Variants in AKAP13 observed in about 807,000 individuals in gnomAD.
AKAP13 encodes A-kinase anchoring protein 13, also known as A-kinase anchor protein 13.
AKAP13 carries 80 observed loss-of-function variants against 264.5 expected under a neutral mutation model. That is an observed-to-expected ratio of 0.30 (90% CI 0.25 to 0.36). The LOEUF is 0.36. Ranked by LOEUF, AKAP13 falls within the 10% of genes least tolerant of loss-of-function variation. The pLI is 1.00. For missense variants in AKAP13, 3,712 were observed against 3,435.2 expected, an observed-to-expected ratio of 1.08 and a Z score of -2.01; for synonymous variants, 1,380 against 1,250.2, an observed-to-expected ratio of 1.10 and a Z score of -2.19.
chr15:85,562,241 T>G (rs909138400), intron 5 of AKAP13, among the ~76,000 whole-genome samples: 2 of 152,132 alleles, frequency 1.3e-5, no homozygotes, highest in African/African-American at 4.8e-5. Context: ...CAGTATTTAA[T>G]GAGTACTTAC....
chr15:85,425,514 A>G (rs1476106180), intron 1 of AKAP13, among the ~76,000 whole-genome samples: 1 of 152,042 alleles, frequency 6.6e-6, no homozygotes, highest in Middle Eastern at 3.2e-3. Flanking sequence ...TCAGGAGTTC[A>G]AGACTAGCCT....
At chr15:85,569,933 C>T (rs991052578) in intron 5 of AKAP13, among the ~76,000 whole-genome samples, 11 of 151,768 alleles carry the variant, frequency 7.2e-5, no homozygotes, top group South Asian at 4.2e-4. Flanking sequence ...AAAAATTAGC[C>T]GGGCATGGTG....
intron 1 of AKAP13, among the ~76,000 whole-genome samples, chr15:85,482,210 CTA>C (rs941069518): frequency 6.6e-6 from 1 of 152,096 alleles, no homozygotes; most frequent in Non-Finnish European, 1.5e-5. Flanking sequence ...GCTGTTATTT[CTA>C]TTACTTGCTT....
At chr15:85,467,915 C>T (rs192958089) in intron 1 of AKAP13, among the ~76,000 whole-genome samples, 24 of 152,272 alleles carry the variant, frequency 1.6e-4, no homozygotes, top group Admixed American at 7.8e-4. Context: ...CAAGTGTTGA[C>T]GGAGGCAGAG....
At chr15:85,463,540 G>A (rs961036567) in intron 1 of AKAP13, among the ~76,000 whole-genome samples, 3 of 152,218 alleles carry the variant, frequency 2.0e-5, no homozygotes, top group Admixed American at 6.5e-5. Flanking sequence ...TAGAATATAT[G>A]GATGGTGGTT....
At chr15:85,455,734 C>T (rs1029384840) in intron 1 of AKAP13, among the ~76,000 whole-genome samples, 2 of 152,016 alleles carry the variant, frequency 1.3e-5, no homozygotes, top group African/African-American at 2.4e-5. Flanking sequence ...CTTTCAAAGG[C>T]GCACAGTCCA....
Position 85,563,348 on chromosome 15 carries a change from TTTTTTTA to T in AKAP13, c.663-11782_663-11776del, listed in dbSNP as rs1402277914. On this transcript the variant is annotated intron_variant, in intron 5 of 36. Coordinates refer to ENST00000394518, the MANE Select transcript of AKAP13 (RefSeq NM_007200.5). ...GTGCTTGTTTTTTTTTTTTTTTTTT[TTTTTTTA>T]AAGACGGAGAATGAGAATTTGGGCT... is the stretch of plus-strand genomic sequence containing the variant. Among the ~76,000 whole-genome samples the T allele has an allele frequency of 7.8e-4, 96 of 122,910 alleles. 2 individuals are homozygous for T. The highest frequency in any genetic ancestry group is 4.6e-3 in the East Asian group (16 of 3,472). The allele number at this position is 122,910 out of a possible 152,430, so 80.6% of individuals were successfully genotyped here.
intron 1 of AKAP13, among the ~76,000 whole-genome samples, chr15:85,421,059 G>A (rs1274710150): frequency 6.6e-6 from 1 of 152,198 alleles, no homozygotes; most frequent in Non-Finnish European, 1.5e-5. Context: ...GATGGATGAT[G>A]ACTTAGAAAT....
chr15:85,702,145 C>A (rs1278691579), intron 17 of AKAP13: 1 of 152,054 alleles, frequency 6.6e-6, no homozygotes, highest in Non-Finnish European at 1.5e-5. Context: ...ACTTGGGAGG[C>A]TGAGGCAGGA....
rs910829789 is a variant in AKAP13 at position 85,724,546 on chromosome 15, G to A, written c.6745+1226G>A. Among the ~76,000 whole-genome samples the A allele has an allele frequency of 2.0e-5, 3 of 151,798 alleles. No homozygotes were observed. Among genetic ancestry groups the A allele is most frequent in the Admixed American group, 1.3e-4 (2 of 15,238 alleles). ...AGAGAGCAGAGTGAATGACAGGGGA[G>A]TGACGGGAAACCAGCCCAAAGAAAC... On this transcript the variant is annotated intron_variant, in intron 26 of 36. Coordinates refer to ENST00000394518, the MANE Select transcript of AKAP13 (RefSeq NM_007200.5). This position sits in a 1 kb window ranked among gnomAD's most constrained non-coding sequence, Gnocchi z 4.2.
intron 8 of AKAP13, among the ~76,000 whole-genome samples, chr15:85,605,852 A>G (rs1258358655): frequency 1.3e-5 from 2 of 152,144 alleles, no homozygotes; most frequent in Non-Finnish European, 2.9e-5. Context: ...TCATGCCTCA[A>G]TAAAGTGGAT....
chr15:85,605,041 G>C (rs1182109095), intron 8 of AKAP13, among the ~76,000 whole-genome samples: 2 of 152,104 alleles, frequency 1.3e-5, no homozygotes, highest in East Asian at 3.9e-4. Flanking sequence ...GCTCATGGGT[G>C]CCCCTGGTAA....
At position 85,543,774 on chromosome 15, in the gene AKAP13, G is replaced by A. The variant is rs774953969; in HGVS notation, c.481G>A (p.Ala161Thr). Residue 161 changes from alanine to threonine, a missense_variant and splice_region_variant, in exon 5 of 37, where the codon GCT (alanine) becomes ACT (threonine). Ala to Thr is a moderately conservative substitution (Grantham distance 58, BLOSUM62 0). Around this residue, in one of 3 missense-constraint regions of AKAP13, gnomAD observed 2,759 missense variants for 2,411.7 expected, o/e 1.14. Transcript: ENST00000394518. The stretch of plus-strand genomic sequence containing the variant: ...TTCATTTTCTCCCCCATTTACAGAT[G>A]CTGGCCCGCGAGAGACATTGATGCA... ...VLGTDQSLHD[A>T]GPRETLMHFA... 4.4e-6 allele frequency: 7 copies of A among 1,600,302 alleles called. No homozygotes were observed. Among genetic ancestry groups the A allele is most frequent in the Non-Finnish European group, 6.0e-6 (7 of 1,172,414 alleles).
intron 1 of AKAP13, among the ~76,000 whole-genome samples, chr15:85,451,303 C>T (rs2074081343): frequency 6.6e-6 from 1 of 152,054 alleles, no homozygotes. Context: ...GACAGCATAC[C>T]ATTGGGTCTT....
chr15:85,406,396 G>GTTTTTTTTT (rs34569805), intron 1 of AKAP13, among the ~76,000 whole-genome samples: 5 of 143,834 alleles, frequency 3.5e-5, no homozygotes, highest in African/African-American at 5.3e-5. Flanking sequence ...CTAGAAAATA[G>GTTTTTTTTT]TTTTTTTTTT....
rs796799191 is a variant in AKAP13 at position 85,442,482 on chromosome 15, A to ATATATATAATATATATTATAT, written c.-11-43185_-11-43165dup. 2.6e-3 allele frequency among the ~76,000 whole-genome samples: 304 copies of ATATATATAATATATATTATAT among 115,578 alleles called. 1 individual carries two copies. The highest frequency in any genetic ancestry group is 8.4e-3 in the Middle Eastern group (2 of 238). The allele number at this position is 115,578 out of a possible 152,430, so 75.8% of individuals were successfully genotyped here. A position where few individuals can be genotyped will look rare whatever the true frequency, so the allele number is the denominator to read the frequency against. ...TAATATACATAATATATATTATATAATATATATAATATATATTATATTATA... is the reference window on the plus strand; with the variant it reads ...TAATATACATAATATATATTATATAATATATATAATATATATTATATTATATATAATATATATTATATTATA... On this transcript the variant is annotated intron_variant, in intron 1 of 36. Coordinates refer to ENST00000394518, the MANE Select transcript of AKAP13 (RefSeq NM_007200.5).
intron 2 of AKAP13, among the ~76,000 whole-genome samples, chr15:85,513,938 C>T (rs1162190308): frequency 1.4e-5 from 2 of 138,288 alleles, no homozygotes; most frequent in Admixed American, 1.5e-4. Context: ...GGAGACACAT[C>T]TGTCATCTGT....
Position 85,580,792 on chromosome 15 carries a change from G to T in AKAP13, c.2724G>T (p.Leu908Phe). ...GKATLALDSV[L>F]TEEGKLLVVS... ...CCACTTTGGCTTTAGATTCAGTTTT[G>T]ACTGAAGAAGGAAAACTTCTGGTGG... Residue 908 changes from leucine to phenylalanine, a missense_variant, in exon 7 of 37, where the codon TTG (leucine) becomes TTT (phenylalanine). Physicochemically the swap from Leu to Phe is conservative, Grantham distance 22. Coordinates refer to ENST00000394518, the MANE Select transcript of AKAP13 (RefSeq NM_007200.5). 1 of 1,613,700 alleles carries T rather than the reference G, an allele frequency of 6.2e-7. No individual in the cohort carries two copies. The highest frequency in any genetic ancestry group is 1.1e-5 in the South Asian group (1 of 91,056).
intron 2 of AKAP13, among the ~76,000 whole-genome samples, chr15:85,495,801 TC>T (rs2075854224): frequency 6.6e-6 from 1 of 152,182 alleles, no homozygotes; most frequent in African/African-American, 2.4e-5. Context: ...TCTCTTGTTT[TC>T]TCTCAGTACC....
Sources: gnomAD v4.1 joint callset for allele counts (sites outside exome capture counted in the v4.1 genomes callset) on GRCh38, gnomAD v4.1.1 for gene constraint, gnomAD v4.1.1 regional missense constraint, Gnocchi (gnomAD v3.1) non-coding constraint, MANE v1.5 for transcripts, NCBI Gene and HGNC (gene_info 2026-07-23, HGNC 2026-07-21) for gene names.